TGFB2: variants seen among roughly 807,000 people sequenced by gnomAD.
The protein encoded by TGFB2 is transforming growth factor beta 2, also known as transforming growth factor beta-2 proprotein.
In TGFB2, 13 loss-of-function variants were observed where a neutral mutation model predicts 42.7. That is an observed-to-expected ratio of 0.30 (90% CI 0.20 to 0.48). TGFB2 has a LOEUF of 0.48. Among genes scored for constraint, TGFB2 ranks in the 20% least tolerant of loss-of-function variants. TGFB2 has a pLI of 0.99. For missense variants in TGFB2, 390 were observed against 517.5 expected, an observed-to-expected ratio of 0.75 and a Z score of 2.39; for synonymous variants, 193 against 193.6, an observed-to-expected ratio of 1.00 and a Z score of 0.03.
chr1:218,412,221 T>C (rs1659124743), intron 2 of TGFB2, among the ~76,000 whole-genome samples: 1 of 152,226 alleles, frequency 6.6e-6, no homozygotes, highest in Non-Finnish European at 1.5e-5. Context: ...ATACCCAAGA[T>C]ACTCTTAGAG....
chr1:218,360,301 C>T lies in TGFB2; in HGVS notation c.346+13254C>T, dbSNP rs145683294. On this transcript the variant is annotated intron_variant, in intron 1 of 6. Coordinates refer to ENST00000366930, the MANE Select transcript of TGFB2 (RefSeq NM_003238.6). Reference sequence around the variant, plus strand: ...CTGTGTCATTGCAGGCAAAAATAAACCCCAACATTGTTACAGTTAATTAAC... The same window carrying T: ...CTGTGTCATTGCAGGCAAAAATAAATCCCAACATTGTTACAGTTAATTAAC... Among the ~76,000 whole-genome samples, 1,346 of 152,290 alleles carry T rather than the reference C, an allele frequency of 8.8e-3. 21 individuals are homozygous for T. The highest frequency in any genetic ancestry group is 0.031 in the African/African-American group (1,272 of 41,546).
chr1:218,372,496 A>G (rs1290149703), intron 1 of TGFB2, among the ~76,000 whole-genome samples: 2 of 152,358 alleles, frequency 1.3e-5, no homozygotes, highest in African/African-American at 4.8e-5. Context: ...TCAGGAGACC[A>G]GGAAGGTAAC....
intron 2 of TGFB2, among the ~76,000 whole-genome samples, chr1:218,411,335 C>T (rs1407687803): frequency 6.6e-6 from 1 of 152,140 alleles, no homozygotes. Context: ...CTCCATGTGG[C>T]TTTGGCTGGG....
intron 2 of TGFB2, among the ~76,000 whole-genome samples, chr1:218,406,000 T>C (rs1658899185): frequency 1.3e-5 from 2 of 152,270 alleles, no homozygotes; most frequent in African/African-American, 4.8e-5. Context: ...GAACAGTCAG[T>C]TGACCTTCCT....
chr1:218,374,640 C>T (rs181510242), intron 1 of TGFB2, among the ~76,000 whole-genome samples: 87 of 152,316 alleles, frequency 5.7e-4, no homozygotes, highest in African/African-American at 1.9e-3. Context: ...TTTTGCTTTA[C>T]TCTAAGTAGC....
chr1:218,367,133 G>A (rs1458327382), intron 1 of TGFB2, among the ~76,000 whole-genome samples: 1 of 152,162 alleles, frequency 6.6e-6, no homozygotes, highest in Non-Finnish European at 1.5e-5. Flanking sequence ...ACCGGGCAAC[G>A]GTGGAGTGGG....
chr1:218,412,209 A>T (rs1046018747), intron 2 of TGFB2, among the ~76,000 whole-genome samples: 1 of 152,262 alleles, frequency 6.6e-6, no homozygotes, highest in African/African-American at 2.4e-5. Context: ...ATGAATAAAC[A>T]TATACCCAAG....
At chr1:218,432,017 T>C (rs1659823004) in intron 2 of TGFB2, among the ~76,000 whole-genome samples, 1 of 152,212 alleles carries the variant, frequency 6.6e-6, no homozygotes, top group African/African-American at 2.4e-5. Context: ...AGCATTTATT[T>C]TAATCTTATT....
At chr1:218,397,284 C>T (rs1658551290) in intron 1 of TGFB2, among the ~76,000 whole-genome samples, 1 of 144,222 alleles carries the variant, frequency 6.9e-6, no homozygotes, top group Admixed American at 7.0e-5. Flanking sequence ...AAAAAAAAGG[C>T]CGGGCGCGGT....
At position 218,403,137 on chromosome 1, in the gene TGFB2, C is replaced by T. The variant is rs530707959; in HGVS notation, c.347-2032C>T. 7.2e-5 allele frequency among the ~76,000 whole-genome samples: 11 copies of T among 152,358 alleles called. No individual in the cohort carries two copies. The South Asian group carries it at 1.5e-3, about 20-fold the overall frequency. ...CATCAACTAATTCGCAGTGGTGATG[C>T]GGCGGATCATCACCATGTCTGCATG... On this transcript the variant is annotated intron_variant, in intron 1 of 6. Transcript: ENST00000366930.
intron 1 of TGFB2, among the ~76,000 whole-genome samples, chr1:218,384,577 C>T (rs1338477440): frequency 1.3e-5 from 2 of 152,198 alleles, no homozygotes; most frequent in Non-Finnish European, 2.9e-5. Context: ...GTATCTACCT[C>T]GCAGAGTTCT....
rs11285412 is a variant in TGFB2, at chr1:218,437,320, CTTTTT to C, written c.933-10_933-6del. ...TGAATCAGCTTTAAAATCTCCATTG[CTTTTT>C]TTTTTTTTTTTTAACAGAAATGTGC... is the stretch of plus-strand genomic sequence containing the variant. On this transcript the variant is annotated intron_variant, in intron 5 of 6. Transcript: ENST00000366930. 75 of 1,430,444 alleles carry C rather than the reference CTTTTT, an allele frequency of 5.2e-5. No homozygotes were observed. Among genetic ancestry groups the C allele is most frequent in the East Asian group, 2.3e-4 (9 of 39,536 alleles). The allele number at this position is 1,430,444 out of a possible 1,614,324, so 88.6% of individuals were successfully genotyped here. A position where few individuals can be genotyped will look rare whatever the true frequency, so the allele number is the denominator to read the frequency against.
intron 1 of TGFB2, 44 bp from the exon 2 acceptor site, chr1:218,405,125 C>T: frequency 1.3e-6 from 2 of 1,538,442 alleles, no homozygotes; most frequent in African/African-American, 1.4e-5. Flanking sequence ...TCTGAAAGCA[C>T]AATGGATTTT....
At chr1:218,408,232 G>A (rs187298196) in intron 2 of TGFB2, among the ~76,000 whole-genome samples, 118 of 152,180 alleles carry the variant, frequency 7.8e-4, no homozygotes, top group African/African-American at 2.7e-3. Flanking sequence ...CTTGCCAATG[G>A]CTTTTTTCCT....
At chr1:218,366,298 T>TTC (rs756161580) in intron 1 of TGFB2, among the ~76,000 whole-genome samples, 4 of 151,744 alleles carry the variant, frequency 2.6e-5, no homozygotes, top group Admixed American at 6.6e-5. Context: ...AAGGTGGTAT[T>TTC]TCTCTCTCTC....
At chr1:218,356,063 G>C (rs191070912) in intron 1 of TGFB2, among the ~76,000 whole-genome samples, 1 of 152,176 alleles carries the variant, frequency 6.6e-6, no homozygotes, top group Non-Finnish European at 1.5e-5. Flanking sequence ...TCTAGTTAAT[G>C]AATGTTAGGA....
intron 1 of TGFB2, among the ~76,000 whole-genome samples, chr1:218,370,543 T>C (rs1202266156): frequency 6.6e-6 from 1 of 152,232 alleles, no homozygotes; most frequent in East Asian, 1.9e-4. Flanking sequence ...GGGCCTATTG[T>C]ATATAAACAT....
chr1:218,395,994 A>G (rs1265751458), intron 1 of TGFB2, among the ~76,000 whole-genome samples: 1 of 152,158 alleles, frequency 6.6e-6, no homozygotes, highest in Non-Finnish European at 1.5e-5. Context: ...TAAAATGAGA[A>G]GGGGACATAA....
rs550954847 is a variant in TGFB2, at chr1:218,378,271, G to A, written c.347-26898G>A. On this transcript the variant is annotated intron_variant, in intron 1 of 6. Coordinates refer to ENST00000366930, the MANE Select transcript of TGFB2 (RefSeq NM_003238.6). Reference sequence around the variant, plus strand: ...AGCTCACTGCAACCTCCGCCTCCCGGGTTCATGTGATTCTCCTGCCTCAGC... The same window carrying A: ...AGCTCACTGCAACCTCCGCCTCCCGAGTTCATGTGATTCTCCTGCCTCAGC... 1.7e-3 allele frequency among the ~76,000 whole-genome samples: 255 copies of A among 152,280 alleles called. 2 individuals are homozygous for A. The highest frequency in any genetic ancestry group is 5.4e-3 in the Admixed American group (83 of 15,308).
Sources: gnomAD v4.1 joint callset for allele counts (sites outside exome capture counted in the v4.1 genomes callset) on GRCh38, gnomAD v4.1.1 for gene constraint, MANE v1.5 for transcripts, NCBI Gene and HGNC (gene_info 2026-07-23, HGNC 2026-07-21) for gene names.